Variants in SLC17A1 observed in about 807,000 individuals in gnomAD.
SLC17A1 encodes the protein sodium-dependent phosphate transport protein 1.
SLC17A1 carries 51 observed loss-of-function variants against 53.5 expected under a neutral mutation model. That is an observed-to-expected ratio of 0.95 (90% CI 0.76 to 1.20). The LOEUF (loss-of-function observed/expected upper bound fraction) is 1.20. SLC17A1 is among the 50% of genes most tolerant of loss of function. The probability of loss-of-function intolerance (pLI) is 0.00; values close to 1 mark genes in which losing one functional copy is unlikely to be tolerated. For synonymous variants in SLC17A1, 179 were observed against 198.8 expected, an observed-to-expected ratio of 0.90 and a Z score of 0.84; for missense variants, 538 against 568.2, an observed-to-expected ratio of 0.95 and a Z score of 0.54.
intron 10 of SLC17A1, among the ~76,000 whole-genome samples, chr6:25,803,197 A>G (rs1763841370): frequency 6.6e-6 from 1 of 151,990 alleles, no homozygotes; most frequent in African/African-American, 2.4e-5. Context: ...TCAACCTCCC[A>G]AAGTGCTGGG....
the SLC17A1 span, chr6:25,726,352 A>G: frequency 6.2e-7 from 1 of 1,614,144 alleles, no homozygotes; most frequent in South Asian, 1.1e-5. Context: ...TTCTGCTGTG[A>G]GATACTCTAA....
At chr6:25,824,104 G>A (rs189548888) in intron 3 of SLC17A1, among the ~76,000 whole-genome samples, 1 of 152,026 alleles carries the variant, frequency 6.6e-6, no homozygotes, top group African/African-American at 2.4e-5. Flanking sequence ...ATGAATCATA[G>A]ATTTAACAGT....
chr6:25,758,439 G>T, the SLC17A1 span, among the ~76,000 whole-genome samples: 3 of 152,170 alleles, frequency 2.0e-5, no homozygotes, highest in African/African-American at 4.8e-5. Context: ...CAAAGACAAA[G>T]TTCAATGCCT....
chr6:25,762,440 G>C, the SLC17A1 span, among the ~76,000 whole-genome samples: 1 of 152,052 alleles, frequency 6.6e-6, no homozygotes, highest in Non-Finnish European at 1.5e-5. Flanking sequence ...TGGGCTTTTT[G>C]CTTCTACCAT....
At chr6:25,729,287 T>G in the SLC17A1 span, among the ~76,000 whole-genome samples, 7 of 152,190 alleles carry the variant, frequency 4.6e-5, no homozygotes, top group African/African-American at 1.7e-4. Context: ...CAGGACAACA[T>G]AAAGGCAGAG....
chr6:25,736,286 A>AT, the SLC17A1 span, among the ~76,000 whole-genome samples: 1 of 152,132 alleles, frequency 6.6e-6, no homozygotes, highest in Non-Finnish European at 1.5e-5. Flanking sequence ...TTGTAAGAAC[A>AT]TCTGTCTGAC....
downstream of SLC17A1, chr6:25,779,069 T>G: frequency 6.2e-7 from 1 of 1,613,782 alleles, no homozygotes; most frequent in Non-Finnish European, 8.5e-7. Flanking sequence ...AGAGTTTGGT[T>G]GGAGAAATGT....
chr6:25,819,377 T>C (rs776760925), intron 5 of SLC17A1, 134 bp downstream of exon 5: 21 of 784,390 alleles, frequency 2.7e-5, no homozygotes, highest in Non-Finnish European at 3.8e-5. Context: ...CTCATCTTCA[T>C]AGCAAGAATG....
the SLC17A1 span, among the ~76,000 whole-genome samples, chr6:25,744,605 C>T: frequency 3.3e-5 from 5 of 152,118 alleles, no homozygotes; most frequent in Middle Eastern, 0.01. Context: ...ATTTACTCTC[C>T]ATGCTCTTGA....
the SLC17A1 span, among the ~76,000 whole-genome samples, chr6:25,748,060 AC>A: frequency 6.6e-6 from 1 of 152,220 alleles, no homozygotes; most frequent in Non-Finnish European, 1.5e-5. Context: ...ACTTAGTAAA[AC>A]AAGAATAACA....
intron 3 of SLC17A1, 27 bp from the exon 4 acceptor site, chr6:25,819,942 A>G (rs1193170903): frequency 1.4e-6 from 2 of 1,434,172 alleles, no homozygotes; most frequent in Non-Finnish European, 1.9e-6. Flanking sequence ...GACATGTCGA[A>G]TCACTCTGCA....
At chr6:25,781,777 T>C (rs1470709061), downstream of SLC17A1, among the ~76,000 whole-genome samples, 1 of 152,066 alleles carries the variant, frequency 6.6e-6, no homozygotes, top group Admixed American at 6.6e-5. Flanking sequence ...AGCTTTAATG[T>C]CACTAGGGAT....
At chr6:25,770,228 C>A in the SLC17A1 span, 5 of 1,614,136 alleles carry the variant, frequency 3.1e-6, no homozygotes, top group Non-Finnish European at 3.4e-6. Flanking sequence ...TCCTGACCCT[C>A]TTCATTCCAC....
chr6:25,752,691 G>T, the SLC17A1 span, among the ~76,000 whole-genome samples: 1 of 152,226 alleles, frequency 6.6e-6, no homozygotes, highest in African/African-American at 2.4e-5. Flanking sequence ...GGTGGCTCAC[G>T]CCTGTAATCC....
chr6:25,776,193 T>C, the SLC17A1 span, among the ~76,000 whole-genome samples: 1 of 152,136 alleles, frequency 6.6e-6, no homozygotes, highest in Non-Finnish European at 1.5e-5. Flanking sequence ...TGAAAAATAA[T>C]ATCTCACCAT....
chr6:25,809,725 T>C (rs1003117984), intron 10 of SLC17A1, among the ~76,000 whole-genome samples: 3 of 152,120 alleles, frequency 2.0e-5, no homozygotes, highest in Admixed American at 6.6e-5. Context: ...GCAATCCTTA[T>C]CAAAATTCCC....
the SLC17A1 span, among the ~76,000 whole-genome samples, chr6:25,749,249 A>G: frequency 3.8e-4 from 58 of 152,336 alleles, no homozygotes; most frequent in Non-Finnish European, 5.7e-4. Flanking sequence ...TACCAAGCAT[A>G]CTGCCTGTAA....
intron 10 of SLC17A1, among the ~76,000 whole-genome samples, chr6:25,807,876 A>G (rs1268631562): frequency 6.6e-6 from 1 of 152,086 alleles, no homozygotes; most frequent in Non-Finnish European, 1.5e-5. Flanking sequence ...TTTGATGGGC[A>G]TTTAGGCTGG....
At position 25,819,128 on chromosome 6, in the gene SLC17A1, G is replaced by A. The variant is rs757022682; in HGVS notation, c.556C>T (p.Leu186=). Reference sequence around the variant, plus strand: ...TCACAGATAACTCCAGTCACAAGTAGGACAATAAAGGGTCCCAGCAAAAAC... The same window carrying A: ...TCACAGATAACTCCAGTCACAAGTAAGACAATAAAGGGTCCCAGCAAAAAC... ...SGFLLGPFIV[L]LVTGVICESL... Residue 186 remains leucine (L), a synonymous_variant, in exon 6 of 13, where the codon CTA becomes TTA. Transcript: ENST00000244527. 54 of 1,609,860 alleles carry A rather than the reference G, an allele frequency of 3.4e-5. 1 individual carries two copies. The Middle Eastern group carries it at 2.1e-3, about 64-fold the overall frequency.
Sources: allele counts gnomAD v4.1 joint callset (sites outside exome capture counted in the v4.1 genomes callset), GRCh38; gene constraint gnomAD v4.1.1; transcripts MANE v1.5; gene names NCBI Gene and HGNC (gene_info 2026-07-23, HGNC 2026-07-21).